Variants in VPS13D observed in about 807,000 individuals in gnomAD.
VPS13D encodes vacuolar protein sorting 13 homolog D, also known as intermembrane lipid transfer protein VPS13D.
VPS13D carries 187 observed loss-of-function variants against 461.9 expected under a neutral mutation model. That is an observed-to-expected ratio of 0.40 (90% CI 0.36 to 0.46). The LOEUF is 0.46. Among genes scored for constraint, VPS13D ranks in the 20% least tolerant of loss-of-function variants. The probability of loss-of-function intolerance (pLI) is 0.60; values close to 1 mark genes in which losing one functional copy is unlikely to be tolerated. For missense variants in VPS13D, 4,711 were observed against 5,364.9 expected (o/e 0.88, Z 3.81); for synonymous variants, 1,951 against 1,986.3 (o/e 0.98, Z 0.47).
chr1:12,247,857 T>C (rs1430716667), intron 5 of VPS13D, among the ~76,000 whole-genome samples: 1 of 151,198 alleles, frequency 6.6e-6, no homozygotes, highest in Non-Finnish European at 1.5e-5. Flanking sequence ...GCCTGCGCTA[T>C]CATGCCTGGC....
rs909309983 is a variant in VPS13D at position 12,385,489 on chromosome 1, T to G, written c.11484+116T>G. On this transcript the variant is annotated intron_variant, in intron 59 of 69. Transcript: ENST00000620676. ...ATCCTGTATGATTCTAAATATGAGT[T>G]ACGCTTCACAGTGTTTACTGTTTAT... 11 of 792,634 alleles carry G rather than the reference T, an allele frequency of 1.4e-5. No homozygotes were observed. In the African/African-American group the frequency reaches 1.8e-4, roughly 13 times the overall value. The allele number at this position is 792,634 out of a possible 1,614,324, so 49.1% of individuals were successfully genotyped here. A position where few individuals can be genotyped will look rare whatever the true frequency, so the allele number is the denominator to read the frequency against.
At chr1:12,411,532 T>G (rs1475879841) in intron 63 of VPS13D, among the ~76,000 whole-genome samples, 10 of 97,410 alleles carry the variant, frequency 1.0e-4, no homozygotes, top group Middle Eastern at 6.1e-3. Context: ...GAGAGAGAGA[T>G]GAGAGGGAAG....
intron 30 of VPS13D, among the ~76,000 whole-genome samples, chr1:12,317,079 G>A (rs1181781354): frequency 7.4e-6 from 1 of 135,944 alleles, no homozygotes; most frequent in East Asian, 2.1e-4. Context: ...TGTTCTCCTC[G>A]GGCCAAAAGA....
At chr1:12,321,725 T>G (rs111763100) in intron 32 of VPS13D, 84 bp from the exon 33 acceptor site, 2 of 1,441,850 alleles carry the variant, frequency 1.4e-6, no homozygotes, top group Non-Finnish European at 1.9e-6. Flanking sequence ...GGCTGACTGC[T>G]TCTGAGATAG....
chr1:12,370,447 C>T (rs924482468), intron 54 of VPS13D, among the ~76,000 whole-genome samples: 1 of 152,138 alleles, frequency 6.6e-6, no homozygotes. Flanking sequence ...AAGTCACATT[C>T]CTTTCCAAAA....
At chr1:12,370,757 C>T (rs952499601) in intron 54 of VPS13D, among the ~76,000 whole-genome samples, 8 of 152,126 alleles carry the variant, frequency 5.3e-5, no homozygotes, top group African/African-American at 1.4e-4. Context: ...CCTGAAAAAC[C>T]GAATCTAAAT....
At chr1:12,412,625 T>G (rs1252289632) in intron 63 of VPS13D, among the ~76,000 whole-genome samples, 2 of 152,198 alleles carry the variant, frequency 1.3e-5, no homozygotes, top group Non-Finnish European at 2.9e-5. Context: ...CACTCCCTCC[T>G]ACCGTACATA....
chr1:12,261,143 A>T lies in VPS13D; in HGVS notation c.1408A>T (p.Ile470Phe). Reference protein sequence around the residue: ...EQQEQWIPEEILGTEEFFDPT... With the variant: ...EQQEQWIPEEFLGTEEFFDPT... The stretch of plus-strand genomic sequence containing the variant: ...ACAGGAGCAGTGGATTCCTGAAGAG[A>T]TCCTGGGTACGGTGGGAGCTGGCCT... The change falls in exon 12 of 70, where the codon ATC (isoleucine) becomes TTC (phenylalanine). Residue 470 changes from isoleucine (I) to phenylalanine (F), a missense_variant. Physicochemically the swap from Ile to Phe is conservative, Grantham distance 21. Transcript: ENST00000620676. 1 of 1,614,164 alleles carries T rather than the reference A, an allele frequency of 6.2e-7. No individual in the cohort carries two copies. Among genetic ancestry groups the T allele is most frequent in the Non-Finnish European group, 8.5e-7 (1 of 1,180,016 alleles).
intron 40 of VPS13D, among the ~76,000 whole-genome samples, chr1:12,340,100 A>G (rs1039543924): frequency 6.6e-6 from 1 of 152,216 alleles, no homozygotes; most frequent in Non-Finnish European, 1.5e-5. Flanking sequence ...TTTACCCTGC[A>G]GACAGCTCTT....
Position 12,273,137 on chromosome 1 carries a change from T to G in VPS13D, c.2236+2T>G. The G allele has an allele frequency of 6.2e-7, 1 of 1,613,594 alleles. No individual in the cohort carries two copies. The highest frequency in any genetic ancestry group is 1.3e-5 in the African/African-American group (1 of 74,990). ...GAATGCTTTTGACGAACACCCAAGGTATAGTGTGAGTGGGAAATAATGAAA... is the reference window on the plus strand; with the variant it reads ...GAATGCTTTTGACGAACACCCAAGGGATAGTGTGAGTGGGAAATAATGAAA... On this transcript the variant is annotated splice_donor_variant, in intron 18 of 69. Transcript: ENST00000620676. LOFTEE classifies it high-confidence loss of function.
chr1:12,289,742 C>T (rs1012906453), intron 22 of VPS13D, among the ~76,000 whole-genome samples: 4 of 151,820 alleles, frequency 2.6e-5, no homozygotes, highest in African/African-American at 9.7e-5. Context: ...TTGAGACAAG[C>T]CTGGGCAACA....
chr1:12,463,825 C>T (rs577434199), intron 67 of VPS13D, among the ~76,000 whole-genome samples: 90 of 152,258 alleles, frequency 5.9e-4, no homozygotes, highest in African/African-American at 2.1e-3. Flanking sequence ...TAGCTTTGGG[C>T]CCTGGGTCAA....
chr1:12,232,335 G>A (rs1640005806), intron 1 of VPS13D, among the ~76,000 whole-genome samples: 1 of 152,200 alleles, frequency 6.6e-6, no homozygotes, highest in Non-Finnish European at 1.5e-5. Context: ...TGTGCTTCAG[G>A]TAGTTGTTGG....
intron 3 of VPS13D, among the ~76,000 whole-genome samples, chr1:12,242,981 C>T (rs1447619239): frequency 6.8e-6 from 1 of 147,322 alleles, no homozygotes; most frequent in African/African-American, 2.5e-5. Flanking sequence ...CAGATGGAGT[C>T]TCGCTCTGTC....
chr1:12,383,610 T>C (rs1008910595), intron 58 of VPS13D, among the ~76,000 whole-genome samples: 2 of 152,094 alleles, frequency 1.3e-5, no homozygotes, highest in Non-Finnish European at 2.9e-5. Flanking sequence ...AGAGAAGTAG[T>C]ACTTAAACTG....
chr1:12,249,900 ATGGGTTAC>A (rs1317806826), intron 6 of VPS13D, among the ~76,000 whole-genome samples: 3 of 152,158 alleles, frequency 2.0e-5, no homozygotes, highest in Admixed American at 2.0e-4. Context: ...TCTGACACTA[ATGGGTTAC>A]TGCAGACCCC....
At chr1:12,384,207 G>C (rs1040500592) in intron 58 of VPS13D, among the ~76,000 whole-genome samples, 4 of 152,170 alleles carry the variant, frequency 2.6e-5, no homozygotes, top group Admixed American at 2.6e-4. Context: ...ACATGAGGAG[G>C]CTGGAGAGAA....
In VPS13D at chr1:12,507,009, G is replaced by A; in HGVS notation, c.12951G>A (p.Gly4317=). 5 of 1,614,268 alleles carry A rather than the reference G, an allele frequency of 3.1e-6. No homozygotes were observed. The highest frequency in any genetic ancestry group is 2.5e-6 in the Non-Finnish European group (3 of 1,180,050). The change falls in exon 69 of 70, where the codon GGG becomes GGA. Residue 4317 remains glycine (G), a synonymous_variant. Transcript: ENST00000620676. This position sits in a 1 kb window ranked among gnomAD's most constrained non-coding sequence, Gnocchi z 5.3. ...ACTGCCTTGTCTCCAAAGACCATGG[G>A]AAGGTGTATGTGCAGGTGACCAAGA... ...LYHCLVSKDH[G]KVYVQVTKKA...
chr1:12,245,800 A>G (rs921523697), intron 5 of VPS13D, among the ~76,000 whole-genome samples: 4 of 152,214 alleles, frequency 2.6e-5, no homozygotes, highest in Non-Finnish European at 4.4e-5. Context: ...CCTGTCAATC[A>G]CTAATCTACT....
Sources: gnomAD v4.1 joint callset for allele counts (sites outside exome capture counted in the v4.1 genomes callset) on GRCh38, gnomAD v4.1.1 for gene constraint, Gnocchi (gnomAD v3.1) non-coding constraint, MANE v1.5 for transcripts, NCBI Gene and HGNC (gene_info 2026-07-23, HGNC 2026-07-21) for gene names.